The following CLEC14A variants were observed in gnomAD, a reference collection of about 807,000 sequenced individuals.
The protein encoded by CLEC14A is C-type lectin domain containing 14A.
For synonymous variants in CLEC14A, 349 were observed against 292.0 expected (o/e 1.20, Z -1.99); for missense variants, 682 against 659.9 (o/e 1.03, Z -0.37).
At position 38,255,470 on chromosome 14, in the gene CLEC14A, CG is replaced by C. The variant is rs1884031665; in HGVS notation, c.552del (p.Ala186ProfsTer5). On this transcript the variant is annotated frameshift_variant, in exon 1 of 1. Coordinates refer to ENST00000342213, the MANE Select transcript of CLEC14A (RefSeq NM_175060.3). LOFTEE classifies it low-confidence loss of function (END_TRUNC). This position sits in a 1 kb window ranked among gnomAD's most constrained non-coding sequence, Gnocchi z 5.1. ...QFEVLCPAPRPGAASNLSYRA... is the reference protein window; with the variant it reads ...QFEVLCPAPRXGAASNLSYRA... ...CGATAGCTCAAGTTAGAGGCGGCCCCGGGGCGCGGCGCAGGACACAAGACCT... is the reference window on the plus strand; with the variant it reads ...CGATAGCTCAAGTTAGAGGCGGCCCCGGGCGCGGCGCAGGACACAAGACCT... The C allele has an allele frequency of 6.2e-7, 1 of 1,613,094 alleles. No individual in the cohort carries two copies. The highest frequency in any genetic ancestry group is 1.1e-5 in the South Asian group (1 of 91,076).
Position 38,256,051 on chromosome 14 carries a change from C to A in CLEC14A, c.-29G>T. On this transcript the variant is annotated 5_prime_UTR_variant, in exon 1 of 1. Transcript: ENST00000342213. Reference sequence around the variant, plus strand: ...CTGAGGCCCCGCACGCAGAGCTGCTCCCAACTTGGATCTGTCCCGCTCGAG... The same window carrying A: ...CTGAGGCCCCGCACGCAGAGCTGCTACCAACTTGGATCTGTCCCGCTCGAG... 6.7e-7 allele frequency: 1 copy of A among 1,491,728 alleles called. No homozygotes were observed. The highest frequency in any genetic ancestry group is 8.9e-7 in the Non-Finnish European group (1 of 1,121,690). The allele number at this position is 1,491,728 out of a possible 1,614,324, so 92.4% of individuals were successfully genotyped here.
Position 38,255,231 on chromosome 14 carries a change from G to A in CLEC14A, c.792C>T (p.Asp264=), listed in dbSNP as rs1884022074. 1.2e-6 allele frequency: 2 copies of A among 1,613,760 alleles called. No individual in the cohort carries two copies. The highest frequency in any genetic ancestry group is 8.5e-7 in the Non-Finnish European group (1 of 1,180,048). ...ATTCGCAGGCAAAGCCTCCCAAGTCGTCTAGGCAGTTAGGGAGCTCTGCGC... is the reference window on the plus strand; with the variant it reads ...ATTCGCAGGCAAAGCCTCCCAAGTCATCTAGGCAGTTAGGGAGCTCTGCGC... ...GKCAELPNCL[D]DLGGFACECA... The change falls in exon 1 of 1, where the codon GAC becomes GAT. Residue 264 remains aspartate, a synonymous_variant. Transcript: ENST00000342213. This position sits in a 1 kb window ranked among gnomAD's most constrained non-coding sequence, Gnocchi z 5.1.
chr14:38,254,626 A>T lies in CLEC14A; in HGVS notation c.1397T>A (p.Val466Asp), dbSNP rs1274141190. Residue 466 changes from valine (V) to aspartate (D), a missense_variant, in exon 1 of 1, where the codon GTC becomes GAC. By Grantham distance (152) the Val-to-Asp change is radical. Transcript: ENST00000342213. ...TCTGTCCCGCAGATCACAGTCCCCGACTTTCACCCCATTGTTTGTGCAATG... is the reference window on the plus strand; with the variant it reads ...TCTGTCCCGCAGATCACAGTCCCCGTCTTTCACCCCATTGTTTGTGCAATG... Reference protein sequence around the residue: ...SAHCTNNGVKVGDCDLRDRAE... With the variant: ...SAHCTNNGVKDGDCDLRDRAE... 3.1e-6 allele frequency: 5 copies of T among 1,614,070 alleles called. No individual in the cohort carries two copies. The highest frequency in any genetic ancestry group is 4.2e-6 in the Non-Finnish European group (5 of 1,179,998).
Position 38,255,876 on chromosome 14 carries a change from C to A in CLEC14A, c.147G>T (p.Ala49=), listed in dbSNP as rs1348459274. 1 of 1,558,198 alleles carries A rather than the reference C, an allele frequency of 6.4e-7. No individual in the cohort carries two copies. Among genetic ancestry groups the A allele is most frequent in the East Asian group, 2.4e-5 (1 of 41,976 alleles). Residue 49 remains alanine (A), a synonymous_variant, in exon 1 of 1, where the codon GCG becomes GCT. Transcript: ENST00000342213. The surrounding 1 kb of genome is among the most constrained non-coding windows in gnomAD (Gnocchi z 5.1). ...CTCGCAGGATGCAGGCCTCCTCGGC[C>A]GCCTGCCGCTTCATGGTAGCGTGGT... ...SLHHATMKRQ[A]AEEACILRGG... is the part of the protein sequence containing the mutation.
rs1410888579 is a variant in CLEC14A at position 38,255,744 on chromosome 14, C to T, written c.279G>A (p.Trp93Ter). The change falls in exon 1 of 1, where the codon TGG (tryptophan) becomes TGA (stop). Residue 93 changes from tryptophan (W) to a stop codon, truncating the protein, a stop_gained. Transcript: ENST00000342213. LOFTEE classifies it low-confidence loss of function (END_TRUNC). This position sits in a 1 kb window ranked among gnomAD's most constrained non-coding sequence, Gnocchi z 5.1. ...PGGGSKDLLFWVALERRRSHC... is the reference protein window; with the variant it reads ...PGGGSKDLLF Reference sequence around the variant, plus strand: ...GGGAACGCCTGCGCTCCAGTGCGACCCAGAACAGCAGGTCTTTGGAGCCCC... The same window carrying T: ...GGGAACGCCTGCGCTCCAGTGCGACTCAGAACAGCAGGTCTTTGGAGCCCC... 4 of 1,552,372 alleles carry T rather than the reference C, an allele frequency of 2.6e-6. No homozygotes were observed. The highest frequency in any genetic ancestry group is 3.5e-6 in the Non-Finnish European group (4 of 1,151,854).
In CLEC14A at chr14:38,255,034, G is replaced by A. The variant is rs1366832221; in HGVS notation, c.989C>T (p.Thr330Ile). Residue 330 changes from threonine (T) to isoleucine (I), a missense_variant, in exon 1 of 1, where the codon ACA becomes ATA. Physicochemically the swap from Thr to Ile is moderately conservative, Grantham distance 89. Transcript: ENST00000342213. This position sits in a 1 kb window ranked among gnomAD's most constrained non-coding sequence, Gnocchi z 5.1. ...PIRVDEKLGETPLVPEQDNSV... is the reference protein window; with the variant it reads ...PIRVDEKLGEIPLVPEQDNSV... ...ATTGTCTTGTTCAGGGACAAGTGGT[G>A]TCTCTCCCAGCTTCTCGTCGACCCT... 7 of 1,613,506 alleles carry A rather than the reference G, an allele frequency of 4.3e-6. No individual in the cohort carries two copies. The highest frequency in any genetic ancestry group is 5.1e-6 in the Non-Finnish European group (6 of 1,180,020).
chr14:38,254,593 C>T lies in CLEC14A; in HGVS notation c.1430G>A (p.Gly477Asp), dbSNP rs1444550111. The T allele has an allele frequency of 6.2e-7, 1 of 1,608,904 alleles. No homozygotes were observed. The highest frequency in any genetic ancestry group is 1.1e-5 in the South Asian group (1 of 90,612). The change falls in exon 1 of 1, where the codon GGT (glycine) becomes GAT (aspartate). Residue 477 changes from glycine to aspartate, a missense_variant. Gly to Asp is a moderately conservative substitution (Grantham distance 94). Transcript: ENST00000342213. ...AAGAGGGGACTCCGCCAGCAAGGCA[C>T]CCTCTGCTCTGTCCCGCAGATCACA... is the stretch of plus-strand genomic sequence containing the variant. ...GDCDLRDRAE[G>D]ALLAESPLGS...
rs1241540290 is a variant in CLEC14A at position 38,255,921 on chromosome 14, C to A, written c.102G>T (p.Ser34=). The change falls in exon 1 of 1, where the codon TCG becomes TCT. Residue 34 remains serine, a synonymous_variant. Transcript: ENST00000342213. The surrounding 1 kb of genome is among the most constrained non-coding windows in gnomAD (Gnocchi z 5.1). ...PTADRAGCSA[S]GACYSLHHAT... ...CGTGGTGCAGGCTGTAGCAGGCCCC[C>A]GAGGCCGAGCAGCCAGCACGGTCGG... 6.4e-7 allele frequency: 1 copy of A among 1,565,600 alleles called. No individual in the cohort carries two copies. The highest frequency in any genetic ancestry group is 8.6e-7 in the Non-Finnish European group (1 of 1,161,032).
In CLEC14A at chr14:38,255,069, T is replaced by C. The variant is rs760820640; in HGVS notation, c.954A>G (p.Thr318=). Residue 318 remains threonine, a synonymous_variant, in exon 1 of 1, where the codon ACA becomes ACG. Transcript: ENST00000342213. The surrounding 1 kb of genome is among the most constrained non-coding windows in gnomAD (Gnocchi z 5.1). ...ATATSPVPQR[T]WPIRVDEKLG... is the part of the protein sequence containing the mutation. ...GCTTCTCGTCGACCCTGATTGGCCA[T>C]GTTCTCTGCGGCACGGGGCTGGTTG... is the stretch of plus-strand genomic sequence containing the variant. The C allele has an allele frequency of 9.3e-6, 15 of 1,612,814 alleles. No individual in the cohort carries two copies. In the South Asian group the frequency reaches 1.4e-4, roughly 15 times the overall value.
rs1322650569 is a variant in CLEC14A, at chr14:38,255,579, G to A, written c.444C>T (p.Ala148=). Residue 148 remains alanine, a synonymous_variant, in exon 1 of 1, where the codon GCC becomes GCT. Coordinates refer to ENST00000342213, the MANE Select transcript of CLEC14A (RefSeq NM_175060.3). The surrounding 1 kb of genome is among the most constrained non-coding windows in gnomAD (Gnocchi z 5.1). ...CTARRCAVLQ[A]TGGVEPAGWK... is the part of the protein sequence containing the mutation. Reference sequence around the variant, plus strand: ...AGCCTGCGGGCTCGACCCCACCGGTGGCCTGGAGTACCGCGCATCTCCGCG... The same window carrying A: ...AGCCTGCGGGCTCGACCCCACCGGTAGCCTGGAGTACCGCGCATCTCCGCG... 6 of 1,612,750 alleles carry A rather than the reference G, an allele frequency of 3.7e-6. No individual in the cohort carries two copies. The highest frequency in any genetic ancestry group is 5.1e-6 in the Non-Finnish European group (6 of 1,179,948).
Position 38,254,832 on chromosome 14 carries a change from G to C in CLEC14A, c.1191C>G (p.Ala397=), listed in dbSNP as rs751685062. The C allele has an allele frequency of 6.8e-6, 11 of 1,613,986 alleles. No individual in the cohort carries two copies. The South Asian group carries it at 1.1e-4, about 16-fold the overall frequency. The part of the protein sequence containing the change: ...ATPQAFDSSS[A]VVFIFVSTAV... ...CTGTGCTCACAAATATGAAGACCAC[G>C]GCAGAGGAGGAGTCGAAAGCCTGAG... Residue 397 remains alanine (A), a synonymous_variant, in exon 1 of 1, where the codon GCC becomes GCG. Coordinates refer to ENST00000342213, the MANE Select transcript of CLEC14A (RefSeq NM_175060.3).
rs1378575438 is a variant in CLEC14A at position 38,256,055 on chromosome 14, A to G, written c.-33T>C. 5 of 1,486,854 alleles carry G rather than the reference A, an allele frequency of 3.4e-6. No homozygotes were observed. In the Admixed American group the frequency reaches 6.9e-5, roughly 21 times the overall value. 92.1% of individuals were successfully genotyped at this position (1,486,854 alleles called of 1,614,324 possible). On this transcript the variant is annotated 5_prime_UTR_variant, in exon 1 of 1. Transcript: ENST00000342213. ...GGCCCCGCACGCAGAGCTGCTCCCA[A>G]CTTGGATCTGTCCCGCTCGAGGACG...
chr14:38,255,330 G>T lies in CLEC14A; in HGVS notation c.693C>A (p.Ile231=). The T allele has an allele frequency of 6.2e-7, 1 of 1,613,640 alleles. No homozygotes were observed. The highest frequency in any genetic ancestry group is 2.2e-5 in the East Asian group (1 of 44,874). Residue 231 remains isoleucine (I), a synonymous_variant, in exon 1 of 1, where the codon ATC becomes ATA. Transcript: ENST00000342213. This position sits in a 1 kb window ranked among gnomAD's most constrained non-coding sequence, Gnocchi z 5.1. ...CCGAGAGTTTGTCCCAGCGAGCGCC[G>T]ATTTCGTCCGCGATGCAAGTAACTG... ...PISVTCIADE[I]GARWDKLSGD...
At position 38,255,906 on chromosome 14, in the gene CLEC14A, G is replaced by C. The variant is rs1446655012; in HGVS notation, c.117C>G (p.Ser39Arg). 1 of 1,568,394 alleles carries C rather than the reference G, an allele frequency of 6.4e-7. No individual in the cohort carries two copies. Among genetic ancestry groups the C allele is most frequent in the Non-Finnish European group, 8.6e-7 (1 of 1,163,734 alleles). ...AGCSASGACY[S>R]LHHATMKRQA... ...GCCGCTTCATGGTAGCGTGGTGCAG[G>C]CTGTAGCAGGCCCCCGAGGCCGAGC... Residue 39 changes from serine to arginine, a missense_variant, in exon 1 of 1, where the codon AGC becomes AGG. Coordinates refer to ENST00000342213, the MANE Select transcript of CLEC14A (RefSeq NM_175060.3). This position sits in a 1 kb window ranked among gnomAD's most constrained non-coding sequence, Gnocchi z 5.1.
rs1884009187 is a variant in CLEC14A, at chr14:38,254,860, G to A, written c.1163C>T (p.Thr388Ile). ...AGAGGAGGAGTCGAAAGCCTGAGGAGTGGCAGAGGAAGTCGTAGAATTAAA... is the reference window on the plus strand; with the variant it reads ...AGAGGAGGAGTCGAAAGCCTGAGGAATGGCAGAGGAAGTCGTAGAATTAAA... ...SKFNSTTSSATPQAFDSSSAV... is the reference protein window; with the variant it reads ...SKFNSTTSSAIPQAFDSSSAV... Residue 388 changes from threonine to isoleucine, a missense_variant, in exon 1 of 1, where the codon ACT becomes ATT. Physicochemically the swap from Thr to Ile is moderately conservative, Grantham distance 89. Transcript: ENST00000342213. The A allele has an allele frequency of 1.2e-5, 19 of 1,613,956 alleles. No individual in the cohort carries two copies. The highest frequency in any genetic ancestry group is 1.5e-5 in the Non-Finnish European group (18 of 1,179,908).
chr14:38,255,615 G>C lies in CLEC14A; in HGVS notation c.408C>G (p.Arg136=), dbSNP rs918955853. The change falls in exon 1 of 1, where the codon CGC becomes CGG. Residue 136 remains arginine (R), a synonymous_variant. Coordinates refer to ENST00000342213, the MANE Select transcript of CLEC14A (RefSeq NM_175060.3). The surrounding 1 kb of genome is among the most constrained non-coding windows in gnomAD (Gnocchi z 5.1). ...CCGCGCATCTCCGCGCGGTGCAGGA[G>C]CGTTGGGGCTCCTCCACCCACTGCA... The part of the protein sequence containing the change: ...DTLQWVEEPQ[R]SCTARRCAVL... 1 of 1,610,498 alleles carries C rather than the reference G, an allele frequency of 6.2e-7. No homozygotes were observed. The highest frequency in any genetic ancestry group is 1.3e-5 in the African/African-American group (1 of 74,934).
Position 38,254,703 on chromosome 14 carries a change from C to T in CLEC14A, c.1320G>A (p.Pro440=), listed in dbSNP as rs1404808745. ...SSQPRKESMG[P]PGLESDPEPA... ...GCTCAGGATCACTCTCCAGGCCCGGCGGGCCCATAGACTCCTTCCTTGGCT... is the reference window on the plus strand; with the variant it reads ...GCTCAGGATCACTCTCCAGGCCCGGTGGGCCCATAGACTCCTTCCTTGGCT... Residue 440 remains proline, a synonymous_variant, in exon 1 of 1, where the codon CCG becomes CCA. Coordinates refer to ENST00000342213, the MANE Select transcript of CLEC14A (RefSeq NM_175060.3). The T allele has an allele frequency of 3.7e-6, 6 of 1,613,982 alleles. No individual in the cohort carries two copies. The highest frequency in any genetic ancestry group is 8.5e-7 in the Non-Finnish European group (1 of 1,180,026).
rs776550947 is a variant in CLEC14A at position 38,255,130 on chromosome 14, C to A, written c.893G>T (p.Gly298Val). The part of the protein sequence containing the change: ...TSGEGQPTLG[G>V]TGVPTRRPPA... ...CGGGCGCCTGGTGGGCACCCCGGTC[C>A]CCCCAAGGGTCGGCTGTCCTTCCCC... is the stretch of plus-strand genomic sequence containing the variant. The change falls in exon 1 of 1, where the codon GGG (glycine) becomes GTG (valine). Residue 298 changes from glycine (G) to valine (V), a missense_variant. Transcript: ENST00000342213. This position sits in a 1 kb window ranked among gnomAD's most constrained non-coding sequence, Gnocchi z 5.1. The A allele has an allele frequency of 1.9e-6, 3 of 1,612,818 alleles. No individual in the cohort carries two copies. In the African/African-American group the frequency reaches 4.0e-5, roughly 22 times the overall value.
At position 38,255,698 on chromosome 14, in the gene CLEC14A, G is replaced by A. The variant is rs774936784; in HGVS notation, c.325C>T (p.Pro109Ser). Residue 109 changes from proline to serine, a missense_variant, in exon 1 of 1, where the codon CCT becomes TCT. Transcript: ENST00000342213. The surrounding 1 kb of genome is among the most constrained non-coding windows in gnomAD (Gnocchi z 5.1). ...RRSHCTLENE[P>S]LRGFSWLSSD... ...GACAGCCAGGAGAAACCCCGCAAAG[G>A]CTCGTTCTCCAGGGTGCAGTGGGAA... The A allele has an allele frequency of 3.8e-6, 6 of 1,581,204 alleles. No individual in the cohort carries two copies. The highest frequency in any genetic ancestry group is 5.1e-6 in the Non-Finnish European group (6 of 1,166,544).
Sources: gnomAD v4.1 joint callset for allele counts on GRCh38, gnomAD v4.1.1 for gene constraint, Gnocchi (gnomAD v3.1) non-coding constraint, MANE v1.5 for transcripts, NCBI Gene and HGNC (gene_info 2026-07-23, HGNC 2026-07-21) for gene names.